Variants in NALF1 observed in about 807,000 individuals in gnomAD.
NALF1 encodes the protein family with sequence similarity 155 member A.
In NALF1, 3 loss-of-function variants were observed where a neutral mutation model predicts 48.4. That is an observed-to-expected ratio of 0.06 (90% CI 0.03 to 0.16). NALF1 has a LOEUF of 0.16. Ranked by LOEUF, NALF1 falls within the 10% of genes least tolerant of loss-of-function variation. The pLI is 1.00. For missense variants in NALF1, 526 were observed against 571.5 expected, an observed-to-expected ratio of 0.92 and a Z score of 0.81; for synonymous variants, 262 against 245.7, an observed-to-expected ratio of 1.07 and a Z score of -0.62.
chr13:107,762,613 G>C (rs767465190), intron 1 of NALF1, among the ~76,000 whole-genome samples: 1 of 152,032 alleles, frequency 6.6e-6, no homozygotes, highest in Non-Finnish European at 1.5e-5. Flanking sequence ...AAATCAAACA[G>C]GAGAGGAGGA....
At chr13:107,476,083 GT>G (rs1459045569) in intron 1 of NALF1, among the ~76,000 whole-genome samples, 1 of 152,086 alleles carries the variant, frequency 6.6e-6, no homozygotes, top group East Asian at 1.9e-4. Flanking sequence ...TGGGTGACAG[GT>G]TTAGATCTTG....
chr13:107,295,578 C>T (rs1371214136), intron 1 of NALF1, among the ~76,000 whole-genome samples: 1 of 152,132 alleles, frequency 6.6e-6, no homozygotes, highest in Non-Finnish European at 1.5e-5. Context: ...AGTTCCTTCC[C>T]AGAGCTGGCA....
chr13:107,645,693 A>T (rs866435309), intron 1 of NALF1, among the ~76,000 whole-genome samples: 2,686 of 151,482 alleles, frequency 0.018, 95 homozygotes, highest in African/African-American at 0.062. Flanking sequence ...AAAAAAAAAA[A>T]AAAAAAAAAA....
chr13:107,399,391 C>A (rs1459027928), intron 1 of NALF1, among the ~76,000 whole-genome samples: 2 of 152,024 alleles, frequency 1.3e-5, no homozygotes, highest in Non-Finnish European at 2.9e-5. Context: ...ATTCATAACG[C>A]ATCTAACCTA....
At chr13:107,249,561 T>A (rs542590309) in intron 1 of NALF1, among the ~76,000 whole-genome samples, 1 of 143,994 alleles carries the variant, frequency 6.9e-6, no homozygotes, top group South Asian at 2.6e-4. Context: ...ACTCAGGTAA[T>A]CAAGAGCCAC....
At chr13:107,271,813 TA>T (rs1268530474) in intron 1 of NALF1, among the ~76,000 whole-genome samples, 1,914 of 92,882 alleles carry the variant, frequency 0.021, 62 homozygotes, top group East Asian at 0.13. Flanking sequence ...TATATATATA[TA>T]TATTTATATA....
At chr13:107,706,918 C>CTTTTTTTTTTTT (rs34091754) in intron 1 of NALF1, among the ~76,000 whole-genome samples, 1 of 101,302 alleles carries the variant, frequency 9.9e-6, no homozygotes, top group Admixed American at 1.4e-4. Context: ...CAAGGGCATT[C>CTTTTTTTTTTTT]TTTTTTTTTT....
At chr13:107,507,038 C>T (rs1875717512) in intron 1 of NALF1, among the ~76,000 whole-genome samples, 1 of 151,940 alleles carries the variant, frequency 6.6e-6, no homozygotes, top group African/African-American at 2.4e-5. Context: ...AAAAAGACTG[C>T]TGAATTTCTT....
intron 1 of NALF1, among the ~76,000 whole-genome samples, chr13:107,372,890 T>C (rs777888001): frequency 1.3e-5 from 2 of 152,178 alleles, no homozygotes; most frequent in Admixed American, 1.3e-4. Flanking sequence ...CTAACTCTCT[T>C]TTTCCTAGTA....
At chr13:107,647,228 T>C (rs1181223249) in intron 1 of NALF1, among the ~76,000 whole-genome samples, 2 of 151,948 alleles carry the variant, frequency 1.3e-5, no homozygotes, top group Non-Finnish European at 2.9e-5. Flanking sequence ...AAAGGAAGCA[T>C]AAGATGAGGA....
At chr13:107,841,048 G>A (rs1358092045) in intron 1 of NALF1, among the ~76,000 whole-genome samples, 2 of 151,942 alleles carry the variant, frequency 1.3e-5, no homozygotes, top group Non-Finnish European at 2.9e-5. Context: ...GCTCTTGAGG[G>A]GCAGGGGTCA....
At chr13:107,609,032 C>A (rs1003420076) in intron 1 of NALF1, among the ~76,000 whole-genome samples, 2 of 152,188 alleles carry the variant, frequency 1.3e-5, no homozygotes, top group African/African-American at 4.8e-5. Context: ...TCAAGAGCCC[C>A]AGTTGTGTAC....
chr13:107,233,047 T>C (rs1880260143), intron 1 of NALF1, among the ~76,000 whole-genome samples: 1 of 152,364 alleles, frequency 6.6e-6, no homozygotes, highest in South Asian at 2.1e-4. Flanking sequence ...TGACCGGCTG[T>C]ACTGCTTCTC....
chr13:107,830,272 A>G (rs1364664937), intron 1 of NALF1, among the ~76,000 whole-genome samples: 1 of 152,204 alleles, frequency 6.6e-6, no homozygotes, highest in East Asian at 1.9e-4. Flanking sequence ...TCGTTCCTTT[A>G]AATGTCGTTG....
chr13:107,511,717 C>A (rs755608214), intron 1 of NALF1, among the ~76,000 whole-genome samples: 11 of 151,974 alleles, frequency 7.2e-5, no homozygotes, highest in Non-Finnish European at 1.5e-4. Context: ...AGGGGCCAAT[C>A]TTGTATAATA....
intron 1 of NALF1, among the ~76,000 whole-genome samples, chr13:107,785,555 G>A (rs576072016): frequency 6.6e-6 from 1 of 152,234 alleles, no homozygotes; most frequent in East Asian, 1.9e-4. Flanking sequence ...GGGGAAGGGT[G>A]AGAGAGGGGT....
At chr13:107,261,898 G>A (rs956824582) in intron 1 of NALF1, among the ~76,000 whole-genome samples, 1 of 152,188 alleles carries the variant, frequency 6.6e-6, no homozygotes. Context: ...TCAAGGCACA[G>A]GTTTATAGGC....
chr13:107,580,290 C>T (rs1453111121), intron 1 of NALF1, among the ~76,000 whole-genome samples: 3 of 152,118 alleles, frequency 2.0e-5, no homozygotes, highest in Admixed American at 1.3e-4. Context: ...CACTCTGGGG[C>T]CTTTCTTTTC....
intron 1 of NALF1, among the ~76,000 whole-genome samples, chr13:107,253,194 A>C (rs912328775): frequency 4.7e-5 from 7 of 148,506 alleles, no homozygotes; most frequent in African/African-American, 1.7e-4. Flanking sequence ...TTTTTGCAGT[A>C]ATCCCTTCTT....
Sources: gnomAD v4.1 joint callset for allele counts (sites outside exome capture counted in the v4.1 genomes callset) on GRCh38, gnomAD v4.1.1 for gene constraint, MANE v1.5 for transcripts, NCBI Gene and HGNC (gene_info 2026-07-23, HGNC 2026-07-21) for gene names.